Variants in XRCC4 observed in about 807,000 individuals in gnomAD.
XRCC4 encodes the protein X-ray repair cross complementing 4.
A neutral mutation model predicts 39.1 loss-of-function variants in XRCC4; 28 were observed. The observed-to-expected ratio is 0.72, with a 90% CI of 0.53 to 0.98. The LOEUF is 0.98. Ranked by LOEUF, XRCC4 falls within the 50% of genes least tolerant of loss-of-function variation. The pLI is 0.00. For missense variants in XRCC4, 350 were observed against 376.4 expected, an observed-to-expected ratio of 0.93 and a Z score of 0.58; for synonymous variants, 123 against 126.4, an observed-to-expected ratio of 0.97 and a Z score of 0.18.
At chr5:83,357,247 G>T (rs1415694443), downstream of XRCC4, among the ~76,000 whole-genome samples, 1 of 152,170 alleles carries the variant, frequency 6.6e-6, no homozygotes, top group East Asian at 1.9e-4. Flanking sequence ...ACAGACAAGT[G>T]TCCTGTTTCT....
chr5:83,359,830 A>G, the XRCC4 span, among the ~76,000 whole-genome samples: 1 of 152,152 alleles, frequency 6.6e-6, no homozygotes, highest in African/African-American at 2.4e-5. Context: ...TCTCGATATG[A>G]TAGGAAAATA....
In XRCC4 at chr5:83,142,557, C is replaced by T. The variant is rs185476736; in HGVS notation, c.315+31354C>T. Among the ~76,000 whole-genome samples, 131 of 152,216 alleles carry T rather than the reference C, an allele frequency of 8.6e-4. No individual in the cohort carries two copies. In the Middle Eastern group the frequency reaches 0.01, roughly 12 times the overall value. On this transcript the variant is annotated intron_variant, in intron 3 of 7. Transcript: ENST00000396027. ...ATTCCAGGTATAAAATTGGGAGGGCCTTGGCCAAGGGAGTGGAAGTGAAAG... is the reference window on the plus strand; with the variant it reads ...ATTCCAGGTATAAAATTGGGAGGGCTTTGGCCAAGGGAGTGGAAGTGAAAG...
intron 3 of XRCC4, among the ~76,000 whole-genome samples, chr5:83,173,328 T>A (rs1749815117): frequency 6.6e-6 from 1 of 152,168 alleles, no homozygotes; most frequent in Non-Finnish European, 1.5e-5. Flanking sequence ...TCATCTACTC[T>A]GAGATTGCTA....
chr5:83,218,460 T>C (rs1002399832), intron 6 of XRCC4, among the ~76,000 whole-genome samples: 2 of 152,036 alleles, frequency 1.3e-5, no homozygotes, highest in Non-Finnish European at 2.9e-5. Flanking sequence ...GGACAGTGTT[T>C]GTATGTCTGT....
intron 7 of XRCC4, among the ~76,000 whole-genome samples, chr5:83,349,348 T>C (rs779745995): frequency 1.1e-4 from 17 of 152,252 alleles, no homozygotes; most frequent in Non-Finnish European, 2.1e-4. Context: ...TTCTTTTTTA[T>C]GCTTTTCAGA....
chr5:83,093,952 G>C (rs751014248), intron 1 of XRCC4, among the ~76,000 whole-genome samples: 2 of 151,782 alleles, frequency 1.3e-5, no homozygotes, highest in African/African-American at 2.4e-5. Flanking sequence ...TCCTGGTCTG[G>C]GGTTTCTGCT....
chr5:83,161,658 T>C (rs1749218215), intron 3 of XRCC4, among the ~76,000 whole-genome samples: 1 of 152,214 alleles, frequency 6.6e-6, no homozygotes, highest in Non-Finnish European at 1.5e-5. Context: ...AATAGAGGAA[T>C]AGATTGCTGC....
intron 3 of XRCC4, among the ~76,000 whole-genome samples, chr5:83,154,519 CA>C (rs1748865239): frequency 6.6e-6 from 1 of 152,090 alleles, no homozygotes; most frequent in Non-Finnish European, 1.5e-5. Context: ...AAGGGATATG[CA>C]ATTTGTATAA....
chr5:83,358,125 A>C (rs1378226606), downstream of XRCC4, among the ~76,000 whole-genome samples: 2 of 152,186 alleles, frequency 1.3e-5, no homozygotes. Context: ...CTTTTCGGGA[A>C]GGTAGACTTC....
chr5:83,162,177 AAATT>A (rs1749248252), intron 3 of XRCC4, among the ~76,000 whole-genome samples: 1 of 152,302 alleles, frequency 6.6e-6, no homozygotes, highest in East Asian at 1.9e-4. Flanking sequence ...AAAAATAAAT[AAATT>A]AATTAGTTTT....
At chr5:83,324,472 A>C (rs991192293) in intron 7 of XRCC4, among the ~76,000 whole-genome samples, 2 of 152,126 alleles carry the variant, frequency 1.3e-5, no homozygotes, top group African/African-American at 2.4e-5. Context: ...TATTCATGTA[A>C]ATATCTTTGT....
chr5:83,188,295 G>A (rs1278306056), intron 3 of XRCC4, among the ~76,000 whole-genome samples: 1 of 152,062 alleles, frequency 6.6e-6, no homozygotes, highest in East Asian at 1.9e-4. Context: ...GTAGCCTTTT[G>A]GACTGAGGGC....
downstream of XRCC4, among the ~76,000 whole-genome samples, chr5:83,357,279 TGAAAA>T (rs1327386191): frequency 6.6e-6 from 1 of 152,068 alleles, no homozygotes; most frequent in East Asian, 1.9e-4. Context: ...ATTCTAGAAA[TGAAAA>T]GAATGGAGTA....
chr5:83,341,536 T>C (rs936902427), intron 7 of XRCC4, among the ~76,000 whole-genome samples: 1 of 152,186 alleles, frequency 6.6e-6, no homozygotes, highest in African/African-American at 2.4e-5. Context: ...TTTGGGACCA[T>C]AGATTTTTTT....
At chr5:83,221,064 A>G (rs1457673405) in intron 6 of XRCC4, among the ~76,000 whole-genome samples, 1 of 152,100 alleles carries the variant, frequency 6.6e-6, no homozygotes, top group Non-Finnish European at 1.5e-5. Context: ...AACTTCTAGA[A>G]GTATTTGTGA....
At chr5:83,187,321 G>C (rs188451061) in intron 3 of XRCC4, among the ~76,000 whole-genome samples, 1 of 152,244 alleles carries the variant, frequency 6.6e-6, no homozygotes, top group East Asian at 1.9e-4. Context: ...AGCCAGGAAC[G>C]TGTCTCTAAT....
At chr5:83,231,690 C>A (rs961246808) in intron 6 of XRCC4, among the ~76,000 whole-genome samples, 2 of 152,052 alleles carry the variant, frequency 1.3e-5, no homozygotes, top group Non-Finnish European at 2.9e-5. Context: ...TAATTTGGCA[C>A]AATTTCCTAC....
rs114863022 is a variant in XRCC4 at position 83,096,913 on chromosome 5, A to G, written c.-10-7997A>G. On this transcript the variant is annotated intron_variant, in intron 1 of 7. Transcript: ENST00000396027. ...TTCCCACAGTCCCACTCGTCATGCA[A>G]TGGATGCATATGACCTCACTCCTGA... is the stretch of plus-strand genomic sequence containing the variant. Among the ~76,000 whole-genome samples, 1,357 of 152,268 alleles carry G rather than the reference A, an allele frequency of 8.9e-3. 14 individuals carry two copies. The highest frequency in any genetic ancestry group is 0.03 in the African/African-American group (1,251 of 41,546).
chr5:83,133,334 T>C (rs966568852), intron 3 of XRCC4, among the ~76,000 whole-genome samples: 1 of 152,164 alleles, frequency 6.6e-6, no homozygotes, highest in Non-Finnish European at 1.5e-5. Context: ...TACTCGGGCG[T>C]CAGGGACCCA....
Sources: gnomAD v4.1 joint callset for allele counts (sites outside exome capture counted in the v4.1 genomes callset) on GRCh38, gnomAD v4.1.1 for gene constraint, MANE v1.5 for transcripts, NCBI Gene and HGNC (gene_info 2026-07-23, HGNC 2026-07-21) for gene names.